SCART1: variants seen among roughly 807,000 people sequenced by gnomAD.
The protein encoded by SCART1 is scavenger receptor family member expressed on T cells 1.
SCART1 carries 62 observed loss-of-function variants against 36.2 expected under a neutral mutation model. The ratio of observed to expected loss-of-function variants is 1.71; its 90% CI spans 1.40 to 2.12. The LOEUF (loss-of-function observed/expected upper bound fraction) is 2.12, where lower values mean the gene tolerates loss of function less well. Ranked by LOEUF, SCART1 falls within the 30% of genes most tolerant of loss-of-function variation. The probability of loss-of-function intolerance (pLI) is 0.00; values close to 1 mark genes in which losing one functional copy is unlikely to be tolerated. For missense variants in SCART1, 1,041 were observed against 540.5 expected (o/e 1.93, Z -9.18); for synonymous variants, 487 against 238.7 (o/e 2.04, Z -9.59).
At chr10:133,462,077 G>A (rs1055326674) in intron 6 of SCART1, among the ~76,000 whole-genome samples, 2 of 152,224 alleles carry the variant, frequency 1.3e-5, no homozygotes, top group East Asian at 1.9e-4. Flanking sequence ...GCCCCTCCAG[G>A]CTCCTCAGGG....
chr10:133,465,328 G>A, exon 9 of SCART1: 1 of 688,818 alleles, frequency 1.5e-6, no homozygotes, highest in Non-Finnish European at 2.6e-6. Context: ...GGGCTCCTGG[G>A]GCACCGTGTG....
intron 1 of SCART1, among the ~76,000 whole-genome samples, chr10:133,455,678 T>C (rs1850599421): frequency 6.6e-6 from 1 of 151,778 alleles, no homozygotes. Flanking sequence ...GCTGAGATGC[T>C]CAGAGACCGG....
intron 11 of SCART1, 128 bp from the exon 12 acceptor site, chr10:133,467,719 C>T: frequency 1.8e-6 from 1 of 549,164 alleles, no homozygotes; most frequent in Non-Finnish European, 3.3e-6. Context: ...TGTCAGGATG[C>T]CTTGAACATT....
At chr10:133,459,430 G>C (rs1442986608) in intron 5 of SCART1, 57 bp from the exon 6 acceptor site, 1 of 615,468 alleles carries the variant, frequency 1.6e-6, no homozygotes, top group African/African-American at 1.8e-5. Context: ...CCTGCTGGGG[G>C]GTGGTCCTGG....
chr10:133,459,968 C>T (rs557186169), exon 6 of SCART1: 31 of 544,516 alleles, frequency 5.7e-5, no homozygotes, highest in African/African-American at 2.6e-4. Flanking sequence ...ACCTGCGGGA[C>T]GCGCACGTGG....
intron 3 of SCART1, 98 bp from the exon 4 acceptor site, chr10:133,458,262 G>T (rs752287260): frequency 1.4e-6 from 1 of 701,390 alleles, no homozygotes; most frequent in South Asian, 1.5e-5. Context: ...AGATGCAGGT[G>T]ATGGCTCCTG....
chr10:133,460,612 C>T (rs566014709), intron 6 of SCART1, among the ~76,000 whole-genome samples: 17 of 151,226 alleles, frequency 1.1e-4, no homozygotes, highest in South Asian at 6.3e-4. Flanking sequence ...CACCGGTCAC[C>T]GCAGTCTTGA....
At chr10:133,456,609 C>T (rs537058921) in intron 2 of SCART1, 55 bp downstream of exon 2, 144 of 603,502 alleles carry the variant, frequency 2.4e-4, no homozygotes, top group Admixed American at 5.6e-4. Flanking sequence ...AGTGGGAGGA[C>T]GAGGAGGAGG....
chr10:133,463,604 A>T (rs561498754), intron 6 of SCART1, among the ~76,000 whole-genome samples: 1 of 149,070 alleles, frequency 6.7e-6, no homozygotes, highest in South Asian at 2.1e-4. Flanking sequence ...CTCCAGGTTC[A>T]TCCATGTTGT....
At chr10:133,455,128 G>C (rs1850592620) in intron 1 of SCART1, among the ~76,000 whole-genome samples, 1 of 152,090 alleles carries the variant, frequency 6.6e-6, no homozygotes, top group Non-Finnish European at 1.5e-5. Flanking sequence ...TTAGCCAGTC[G>C]TGGTAGTGGG....
Position 133,464,600 on chromosome 10 carries a change from T to C in SCART1, c.1970-6T>C, listed in dbSNP as rs1412633959. 1 of 643,958 alleles carries C rather than the reference T, an allele frequency of 1.6e-6. No homozygotes were observed. Among genetic ancestry groups the C allele is most frequent in the East Asian group, 2.7e-5 (1 of 36,794 alleles). The allele number at this position is 643,958 out of a possible 1,614,324, so 39.9% of individuals were successfully genotyped here. A position where few individuals can be genotyped will look rare whatever the true frequency, so the allele number is the denominator to read the frequency against. On this transcript the variant is annotated splice_polypyrimidine_tract_variant and splice_region_variant and intron_variant, in intron 6 of 11. Transcript: ENST00000640237. ...ACTCCCTGGCCTGACTGTGCTTGCC[T>C]TGCAGAGTCGGTGGCTCTGAGGCTG...
At position 133,460,119 on chromosome 10, in the gene SCART1, TG is replaced by T. The variant is rs1285387406; in HGVS notation, c.1923del (p.Arg642GlyfsTer20). On this transcript the variant is annotated frameshift_variant, in exon 6 of 12. Coordinates refer to ENST00000640237, the Ensembl canonical transcript of SCART1. LOFTEE classifies it high-confidence loss of function. ...GCTGTGGCAGTGCCCGTCGGCGGGC[TG>T]GGGGCGGCACGACTGGAGGCACAAG... The T allele has an allele frequency of 2.7e-5, 14 of 516,970 alleles. No individual in the cohort carries two copies. The highest frequency in any genetic ancestry group is 8.5e-5 in the South Asian group (3 of 35,122). 32.0% of individuals were successfully genotyped at this position (516,970 alleles called of 1,614,324 possible). A position where few individuals can be genotyped will look rare whatever the true frequency, so the allele number is the denominator to read the frequency against.
At chr10:133,459,705 C>T (rs933202806) in exon 6 of SCART1, 4 of 700,118 alleles carry the variant, frequency 5.7e-6, no homozygotes, top group African/African-American at 5.3e-5. Flanking sequence ...GAGCCGCGTG[C>T]GCTGTCTGGG....
chr10:133,454,053 C>T, exon 1 of SCART1: 1 of 703,006 alleles, frequency 1.4e-6, no homozygotes, highest in East Asian at 2.7e-5. Context: ...AATCTCTGGG[C>T]AGTCCCCATT....
chr10:133,459,424 C>T lies in SCART1; in HGVS notation c.1286-63C>T, dbSNP rs1850665400. 7 of 615,970 alleles carry T rather than the reference C, an allele frequency of 1.1e-5. 1 individual carries two copies. Among genetic ancestry groups the T allele is most frequent in the South Asian group, 1.1e-4 (6 of 53,158 alleles). The allele number at this position is 615,970 out of a possible 1,614,324, so 38.2% of individuals were successfully genotyped here. ...AGGGGGCGGAGAGGTACGGGCCCTG[C>T]TGGGGGGTGGTCCTGGGTCCCTCCC... On this transcript the variant is annotated intron_variant, in intron 5 of 11. Transcript: ENST00000640237.
At chr10:133,455,625 TA>T (rs1850598704) in intron 1 of SCART1, among the ~76,000 whole-genome samples, 1 of 151,674 alleles carries the variant, frequency 6.6e-6, no homozygotes, top group Non-Finnish European at 1.5e-5. Flanking sequence ...AGAGGGTGGT[TA>T]GGGGTGCCTC....
intron 6 of SCART1, 38 bp downstream of exon 6, chr10:133,460,208 T>C (rs1850681024): frequency 6.6e-6 from 3 of 455,500 alleles, no homozygotes; most frequent in Non-Finnish European, 1.2e-5. Context: ...CATGCTGTTT[T>C]ATTACGTACA....
chr10:133,460,418 C>G (rs1850683420), intron 6 of SCART1, among the ~76,000 whole-genome samples: 1 of 149,866 alleles, frequency 6.7e-6, no homozygotes, highest in South Asian at 2.1e-4. Context: ...CCCACCTGGG[C>G]TCATTTTCCG....
intron 2 of SCART1, 37 bp downstream of exon 2, chr10:133,456,591 G>A (rs1453769415): frequency 8.0e-6 from 5 of 622,672 alleles, no homozygotes; most frequent in Non-Finnish European, 1.2e-5. Context: ...GGGCTGAGGA[G>A]GAGGAGGAGT....
Sources: allele counts gnomAD v4.1 joint callset (sites outside exome capture counted in the v4.1 genomes callset), GRCh38; gene constraint gnomAD v4.1.1; transcripts MANE v1.5; gene names NCBI Gene and HGNC (gene_info 2026-07-23, HGNC 2026-07-21).